Variants in PRELID3A observed in about 807,000 individuals in gnomAD.
The protein encoded by PRELID3A is PRELI domain containing protein 3A.
In PRELID3A, 27 loss-of-function variants were observed where a neutral mutation model predicts 23.0. The observed-to-expected ratio is 1.17, with a 90% CI of 0.87 to 1.62. The LOEUF (loss-of-function observed/expected upper bound fraction) is 1.62. Ranked by LOEUF, PRELID3A falls within the 40% of genes most tolerant of loss-of-function variation. The pLI is 0.00. For missense variants in PRELID3A, 231 were observed against 231.4 expected, an observed-to-expected ratio of 1.00 and a Z score of 0.01; for synonymous variants, 87 against 86.4, an observed-to-expected ratio of 1.01 and a Z score of -0.04.
chr18:12,427,631 G>A (rs890193870), intron 5 of PRELID3A, among the ~76,000 whole-genome samples: 4 of 151,890 alleles, frequency 2.6e-5, no homozygotes, highest in Admixed American at 6.6e-5. Context: ...TGAGGCGGAG[G>A]TTGCAGTGAG....
chr18:12,413,522 G>A (rs1323472969), intron 1 of PRELID3A, among the ~76,000 whole-genome samples: 1 of 152,208 alleles, frequency 6.6e-6, no homozygotes, highest in Non-Finnish European at 1.5e-5. Context: ...CGTGCAGCAT[G>A]AGGCAGTCAT....
At chr18:12,419,736 G>A (rs140036572) in intron 1 of PRELID3A, among the ~76,000 whole-genome samples, 75 of 152,046 alleles carry the variant, frequency 4.9e-4, no homozygotes, top group African/African-American at 1.7e-3. Flanking sequence ...TCAGGAGATC[G>A]AGAGCACGGT....
intron 1 of PRELID3A, among the ~76,000 whole-genome samples, chr18:12,411,420 C>A (rs939016498): frequency 7.0e-6 from 1 of 143,274 alleles, no homozygotes; most frequent in East Asian, 2.3e-4. Flanking sequence ...GAGCCGAGAT[C>A]GCGCCACTGC....
intron 3 of PRELID3A, 65 bp downstream of exon 3, chr18:12,421,694 G>A (rs2030187896): frequency 2.8e-6 from 3 of 1,064,638 alleles, no homozygotes; most frequent in South Asian, 2.6e-5. Context: ...TAAGGCCTTC[G>A]TTTAATTCTA....
intron 3 of PRELID3A, among the ~76,000 whole-genome samples, chr18:12,426,133 G>A (rs544920498): frequency 5.9e-5 from 9 of 152,020 alleles, no homozygotes; most frequent in East Asian, 1.9e-4. Flanking sequence ...CAGCTACTCC[G>A]GAGGCTGAGG....
chr18:12,426,942 G>A (rs2030398075), intron 3 of PRELID3A, 99 bp from the exon 4 acceptor site: 1 of 800,890 alleles, frequency 1.2e-6, no homozygotes, highest in African/African-American at 1.7e-5. Flanking sequence ...TTCTGTTCTG[G>A]CCCCACTAAG....
intron 4 of PRELID3A, 41 bp from the exon 5 acceptor site, chr18:12,427,180 C>T (rs1461072595): frequency 1.9e-6 from 3 of 1,600,190 alleles, no homozygotes; most frequent in Non-Finnish European, 2.6e-6. Flanking sequence ...CCTCCTCTCT[C>T]TCAGGGCTGG....
intron 1 of PRELID3A, among the ~76,000 whole-genome samples, chr18:12,414,055 G>C (rs997566203): frequency 6.6e-6 from 1 of 152,104 alleles, no homozygotes; most frequent in Non-Finnish European, 1.5e-5. Context: ...GCTCTTTCAA[G>C]TACAAGAGGC....
At chr18:12,421,396 CAG>C (rs2030177118) in intron 2 of PRELID3A, 142 bp from the exon 3 acceptor site, 1 of 634,882 alleles carries the variant, frequency 1.6e-6, no homozygotes, top group African/African-American at 1.8e-5. Context: ...GCCCTGGACA[CAG>C]GGGTTTTGTC....
At chr18:12,412,687 C>G (rs956555290) in intron 1 of PRELID3A, among the ~76,000 whole-genome samples, 51 of 152,312 alleles carry the variant, frequency 3.3e-4, no homozygotes, top group African/African-American at 1.2e-3. Context: ...CAATCAAGGG[C>G]CCACTTAGGC....
At chr18:12,426,221 G>A (rs1039739024) in intron 3 of PRELID3A, among the ~76,000 whole-genome samples, 1 of 150,962 alleles carries the variant, frequency 6.6e-6, no homozygotes, top group African/African-American at 2.4e-5. Flanking sequence ...CCTGGTAACA[G>A]AGCGAGACTC....
intron 1 of PRELID3A, 35 bp downstream of exon 1, chr18:12,408,042 C>T: frequency 8.0e-7 from 1 of 1,247,326 alleles, no homozygotes; most frequent in Non-Finnish European, 1.0e-6. Flanking sequence ...TGGGGCCGTC[C>T]AGACGCCGGC....
At chr18:12,425,642 A>C (rs1437626676) in intron 3 of PRELID3A, among the ~76,000 whole-genome samples, 3 of 147,872 alleles carry the variant, frequency 2.0e-5, no homozygotes, top group Admixed American at 6.8e-5. Context: ...AAAAAAAAAA[A>C]AAAGTAGAAA....
intron 1 of PRELID3A, among the ~76,000 whole-genome samples, chr18:12,416,344 C>T (rs2029952258): frequency 6.6e-6 from 1 of 152,166 alleles, no homozygotes; most frequent in Non-Finnish European, 1.5e-5. Flanking sequence ...GGCATTTGCT[C>T]TGTCACCCAG....
At chr18:12,419,794 T>TG in intron 1 of PRELID3A, 1 of 151,524 alleles carries the variant, frequency 6.6e-6, no homozygotes, top group Non-Finnish European at 1.5e-5. Context: ...CCAGGCATGG[T>TG]GGGGGGCGCC....
At chr18:12,410,281 A>G (rs1909865841) in intron 1 of PRELID3A, among the ~76,000 whole-genome samples, 1 of 152,250 alleles carries the variant, frequency 6.6e-6, no homozygotes, top group Admixed American at 6.5e-5. Flanking sequence ...ATGTCCTTCC[A>G]GGACAGGGGC....
rs1383879584 is a variant in PRELID3A, at chr18:12,420,503, G to A, written c.201+10G>A. 1.3e-6 allele frequency: 2 copies of A among 1,512,548 alleles called. No homozygotes were observed. Among genetic ancestry groups the A allele is most frequent in the South Asian group, 1.3e-5 (1 of 79,566 alleles). 93.7% of individuals were successfully genotyped at this position (1,512,548 alleles called of 1,614,324 possible). Reference sequence around the variant, plus strand: ...CAGCCTCGTGAGAGCGGTGAGCGGGGCGGGGGCTGCGGCTCCGAACGCGCC... The same window carrying A: ...CAGCCTCGTGAGAGCGGTGAGCGGGACGGGGGCTGCGGCTCCGAACGCGCC... On this transcript the variant is annotated intron_variant, in intron 2 of 6. Transcript: ENST00000440960.
intron 1 of PRELID3A, among the ~76,000 whole-genome samples, chr18:12,416,481 A>G (rs2029955209): frequency 1.3e-5 from 2 of 151,864 alleles, no homozygotes; most frequent in Non-Finnish European, 2.9e-5. Context: ...TGCCTGGTTA[A>G]TGTTTTCTGT....
At chr18:12,428,278 G>A (rs12957910) in intron 5 of PRELID3A, among the ~76,000 whole-genome samples, 12,046 of 152,222 alleles carry the variant, frequency 0.079, 672 homozygotes, top group East Asian at 0.32. Context: ...CAGCAGAGTT[G>A]ATGGAAAGAG....
Sources: gnomAD v4.1 joint callset for allele counts (sites outside exome capture counted in the v4.1 genomes callset) on GRCh38, gnomAD v4.1.1 for gene constraint, MANE v1.5 for transcripts, NCBI Gene and HGNC (gene_info 2026-07-23, HGNC 2026-07-21) for gene names.